Variants in CLPS observed in about 807,000 individuals in gnomAD.
CLPS encodes colipase, pancreatic.
CLPS carries 8 observed loss-of-function variants against 9.3 expected under a neutral mutation model. The observed-to-expected ratio is 0.86, with a 90% CI of 0.51 to 1.56. The LOEUF is 1.56. Ranked by LOEUF, CLPS falls within the 40% of genes most tolerant of loss-of-function variation. CLPS has a pLI of 0.00. For synonymous variants in CLPS, 61 were observed against 56.2 expected (o/e 1.09, Z -0.39); for missense variants, 144 against 145.7 (o/e 0.99, Z 0.06).
At chr6:35,795,960 A>G in intron 1 of CLPS, 107 bp from the exon 2 acceptor site, 1 of 1,538,976 alleles carries the variant, frequency 6.5e-7, no homozygotes, top group South Asian at 1.2e-5. Flanking sequence ...CCTGGTAGGG[A>G]TGTGTGTGAA....
Position 35,795,153 on chromosome 6 carries a change from T to C in CLPS, c.332A>G (p.Lys111Arg), listed in dbSNP as rs1358326942. ...GGGAGTGGGTGGGCAGTCTCACTGC[T>C]TGGAGCGTCCAGCGTCATGGCAGAT... Reference protein sequence around the residue: ...FGICHDAGRSKQ With the variant: ...FGICHDAGRSRQ Residue 111 changes from lysine to arginine, a missense_variant, in exon 3 of 3, where the codon AAG becomes AGG. Coordinates refer to ENST00000259938, the MANE Select transcript of CLPS (RefSeq NM_001832.4). 1 of 1,613,788 alleles carries C rather than the reference T, an allele frequency of 6.2e-7. No homozygotes were observed. Among genetic ancestry groups the C allele is most frequent in the South Asian group, 1.1e-5 (1 of 91,040 alleles).
At chr6:35,796,009 C>A (rs56279340) in intron 1 of CLPS, among the ~76,000 whole-genome samples, 156 bp from the exon 2 acceptor site, 25,649 of 147,776 alleles carry the variant, frequency 0.17, 10 homozygotes, top group Non-Finnish European at 0.21. Flanking sequence ...CTGTGCCCCC[C>A]ACCCACGTGA....
Position 35,797,189 on chromosome 6 carries a change from CT to C in CLPS, c.84+15del. ...TCTGGGGACTCAGGAGGCGCCTCCC[CT>C]GAAGACCCTCTTACCAGGTTGATAA... is the stretch of plus-strand genomic sequence containing the variant. On this transcript the variant is annotated intron_variant, in intron 1 of 2. Transcript: ENST00000259938. The C allele has an allele frequency of 6.2e-7, 1 of 1,611,678 alleles. No individual in the cohort carries two copies. Among genetic ancestry groups the C allele is most frequent in the Non-Finnish European group, 8.5e-7 (1 of 1,177,944 alleles).
intron 1 of CLPS, among the ~76,000 whole-genome samples, chr6:35,796,308 G>A (rs1260967996): frequency 6.6e-6 from 1 of 152,268 alleles, no homozygotes. Context: ...GGACCTCCAA[G>A]TCCAGCCATG....
Position 35,797,241 on chromosome 6 carries a change from A to G in CLPS, c.48T>C (p.Tyr16=), listed in dbSNP as rs560934358. ...ILLLVALSVA[Y]AAPGPRGIII... Reference sequence around the variant, plus strand: ...TGATCCCCCGGGGGCCAGGAGCTGCATAGGCCACAGAGAGGGCGACAAGCA... The same window carrying G: ...TGATCCCCCGGGGGCCAGGAGCTGCGTAGGCCACAGAGAGGGCGACAAGCA... Residue 16 remains tyrosine (Y), a synonymous_variant, in exon 1 of 3, where the codon TAT becomes TAC. Transcript: ENST00000259938. The G allele has an allele frequency of 1.4e-5, 22 of 1,614,088 alleles. No individual in the cohort carries two copies. Among genetic ancestry groups the G allele is most frequent in the Admixed American group, 1.7e-5 (1 of 60,030 alleles).
intron 1 of CLPS, among the ~76,000 whole-genome samples, chr6:35,796,069 C>T (rs1014696542): frequency 2.0e-5 from 3 of 152,284 alleles, no homozygotes; most frequent in Admixed American, 1.3e-4. Context: ...AGGGTCAGGA[C>T]CCCTGGGTTC....
At chr6:35,795,997 C>T in intron 1 of CLPS, 144 bp from the exon 2 acceptor site, 1 of 1,352,372 alleles carries the variant, frequency 7.4e-7, no homozygotes, top group Non-Finnish European at 1.0e-6. Flanking sequence ...GTCTGGTGGC[C>T]TCTGTGCCCC....
At chr6:35,796,802 C>A in intron 1 of CLPS, 1 of 456,750 alleles carries the variant, frequency 2.2e-6, no homozygotes, top group Non-Finnish European at 4.3e-6. Context: ...AGCGTTATGG[C>A]AGGCACCTGT....
At chr6:35,797,142 G>A in intron 1 of CLPS, 63 bp downstream of exon 1, 10 of 1,471,026 alleles carry the variant, frequency 6.8e-6, no homozygotes, top group Non-Finnish European at 9.5e-6. Flanking sequence ...AGAGGTCAAG[G>A]TCCAAGCTTA....
chr6:35,797,064 C>T, intron 1 of CLPS, 141 bp downstream of exon 1: 1 of 760,888 alleles, frequency 1.3e-6, no homozygotes, highest in African/African-American at 1.7e-5. Context: ...TAGGACAGGA[C>T]ATGGAAGTAA....
intron 2 of CLPS, 69 bp from the exon 3 acceptor site, chr6:35,795,346 G>A: frequency 1.3e-6 from 2 of 1,572,006 alleles, no homozygotes; most frequent in South Asian, 1.2e-5. Flanking sequence ...TCCCCTGCCT[G>A]ACCTAGAGAA....
rs1768357041 is a variant in CLPS, at chr6:35,795,949, C to A, written c.85-96G>T. ...CACACACTACCACTAACAGTGTCTC[C>A]CCTGGTAGGGATGTGTGTGAAGGAG... is the stretch of plus-strand genomic sequence containing the variant. On this transcript the variant is annotated intron_variant, in intron 1 of 2. Coordinates refer to ENST00000259938, the MANE Select transcript of CLPS (RefSeq NM_001832.4). 1.9e-6 allele frequency: 3 copies of A among 1,554,416 alleles called. No individual in the cohort carries two copies. The Admixed American group carries it at 5.1e-5, about 26-fold the overall frequency.
chr6:35,797,117 C>G (rs375077883), intron 1 of CLPS, 88 bp downstream of exon 1: 1 of 1,241,782 alleles, frequency 8.1e-7, no homozygotes, highest in African/African-American at 1.5e-5. Context: ...CCCTGCCAGT[C>G]CAGGTGGAGA....
Position 35,797,240 on chromosome 6 carries a change from CAT to C in CLPS, c.47_48del (p.Tyr16CysfsTer16), listed in dbSNP as rs763805542. ...ATGATCCCCCGGGGGCCAGGAGCTG[CAT>C]AGGCCACAGAGAGGGCGACAAGCAG... is the stretch of plus-strand genomic sequence containing the variant. Reference protein sequence around the residue: ...ILLLVALSVAYAAPGPRGIII... With the variant: ...ILLLVALSVAXAAPGPRGIII... On this transcript the variant is annotated frameshift_variant, in exon 1 of 3. Transcript: ENST00000259938. LOFTEE classifies it high-confidence loss of function. 3.1e-6 allele frequency: 5 copies of C among 1,614,094 alleles called. No homozygotes were observed. The highest frequency in any genetic ancestry group is 3.4e-6 in the Non-Finnish European group (4 of 1,179,974).
intron 1 of CLPS, among the ~76,000 whole-genome samples, 156 bp downstream of exon 1, chr6:35,797,023 CAGCCTTTCCTGTGGCCTCTGGGAAGA>C (rs1215154234): frequency 6.6e-6 from 1 of 152,236 alleles, no homozygotes; most frequent in Non-Finnish European, 1.5e-5. Flanking sequence ...AGGGGCTGAT[CAGCCTTTCCTGTGGCCTCTGGGAAGA>C]GGCATAGGAC....
At position 35,797,187 on chromosome 6, in the gene CLPS, C is replaced by T; in HGVS notation, c.84+18G>A. 1.2e-6 allele frequency: 2 copies of T among 1,608,062 alleles called. No individual in the cohort carries two copies. Among genetic ancestry groups the T allele is most frequent in the Non-Finnish European group, 1.7e-6 (2 of 1,174,712 alleles). On this transcript the variant is annotated intron_variant, in intron 1 of 2. Transcript: ENST00000259938. Reference sequence around the variant, plus strand: ...CATCTGGGGACTCAGGAGGCGCCTCCCCTGAAGACCCTCTTACCAGGTTGA... The same window carrying T: ...CATCTGGGGACTCAGGAGGCGCCTCTCCTGAAGACCCTCTTACCAGGTTGA...
At chr6:35,796,941 A>G (rs1485334754) in intron 1 of CLPS, 5 of 484,472 alleles carry the variant, frequency 1.0e-5, no homozygotes, top group Non-Finnish European at 1.8e-5. Context: ...TCAAAAAGAA[A>G]AAAAAGAAAA....
rs757230949 is a variant in CLPS at position 35,797,175 on chromosome 6, A to T, written c.84+30T>A. 4 of 1,583,298 alleles carry T rather than the reference A, an allele frequency of 2.5e-6. No individual in the cohort carries two copies. In the African/African-American group the frequency reaches 5.4e-5, roughly 21 times the overall value. ...TTAGGAAGTCTTCATCTGGGGACTC[A>T]GGAGGCGCCTCCCCTGAAGACCCTC... On this transcript the variant is annotated intron_variant, in intron 1 of 2. Coordinates refer to ENST00000259938, the MANE Select transcript of CLPS (RefSeq NM_001832.4).
chr6:35,796,159 A>G (rs557118699), intron 1 of CLPS, among the ~76,000 whole-genome samples: 11 of 152,332 alleles, frequency 7.2e-5, no homozygotes, highest in Non-Finnish European at 1.5e-4. Context: ...CCCATTTGGA[A>G]TGTGCACACA....
Sources: allele counts gnomAD v4.1 joint callset (sites outside exome capture counted in the v4.1 genomes callset), GRCh38; gene constraint gnomAD v4.1.1; transcripts MANE v1.5; gene names NCBI Gene and HGNC (gene_info 2026-07-23, HGNC 2026-07-21).